Variants in TAFA2 observed in about 807,000 individuals in gnomAD.
TAFA2 encodes TAFA chemokine like family member 2, also known as chemokine-like protein TAFA-2.
Under a neutral mutation model 18.8 loss-of-function variants are expected in TAFA2, and 7 were observed. That is an observed-to-expected ratio of 0.37 (90% CI 0.21 to 0.70). The LOEUF (loss-of-function observed/expected upper bound fraction) is 0.70, where lower values mean the gene tolerates loss of function less well. TAFA2 is among the 30% of genes least tolerant of loss of function. The pLI is 0.53. For missense variants in TAFA2, 122 were observed against 158.1 expected (o/e 0.77, Z 1.23); for synonymous variants, 60 against 54.2 (o/e 1.11, Z -0.47).
intron 2 of TAFA2, among the ~76,000 whole-genome samples, chr12:61,808,391 C>T (rs561647449): frequency 2.0e-5 from 3 of 151,488 alleles, no homozygotes; most frequent in Non-Finnish European, 4.4e-5. Flanking sequence ...TGTAAATTTC[C>T]CAGTCTCGGG....
At chr12:61,743,929 A>T (rs906309104) in intron 4 of TAFA2, among the ~76,000 whole-genome samples, 1 of 152,128 alleles carries the variant, frequency 6.6e-6, no homozygotes, top group Non-Finnish European at 1.5e-5. Flanking sequence ...GCACAGAAGC[A>T]CCACTAACTA....
In TAFA2 at chr12:61,915,942, G is replaced by T. The variant is rs967367973; in HGVS notation, c.-1-48516C>A. Among the ~76,000 whole-genome samples, 3 of 152,170 alleles carry T rather than the reference G, an allele frequency of 2.0e-5. No homozygotes were observed. The East Asian group carries it at 5.8e-4, about 29-fold the overall frequency. ...CCCAGAAACAATGTTTTACCAACTA[G>T]CTCAGTGTGACACATAAAATCAACC... On this transcript the variant is annotated intron_variant, in intron 1 of 4. Coordinates refer to ENST00000416284, the MANE Select transcript of TAFA2 (RefSeq NM_178539.5).
At position 61,896,342 on chromosome 12, in the gene TAFA2, A is replaced by G. The variant is rs563491898; in HGVS notation, c.-1-28916T>C. 3.3e-3 allele frequency among the ~76,000 whole-genome samples: 507 copies of G among 152,364 alleles called. 1 individual carries two copies. Among genetic ancestry groups the G allele is most frequent in the Non-Finnish European group, 5.9e-3 (399 of 68,036 alleles). On this transcript the variant is annotated intron_variant, in intron 1 of 4. Transcript: ENST00000416284. ...GCACAAATTAAGCCAAGATCTAATT[A>G]TATTACACTTTCATGAATGTAAAAA...
At chr12:61,795,600 T>C (rs1372955827) in intron 2 of TAFA2, among the ~76,000 whole-genome samples, 1 of 151,702 alleles carries the variant, frequency 6.6e-6, no homozygotes, top group Non-Finnish European at 1.5e-5. Flanking sequence ...GAGGGAGGCA[T>C]AGCATTGGGA....
At chr12:61,950,666 C>A (rs959092357) in intron 1 of TAFA2, among the ~76,000 whole-genome samples, 56 of 152,022 alleles carry the variant, frequency 3.7e-4, no homozygotes, top group African/African-American at 1.4e-3. Flanking sequence ...GGATATTAAA[C>A]CCTTATCAGA....
At chr12:61,921,766 A>G (rs978420106) in intron 1 of TAFA2, among the ~76,000 whole-genome samples, 3 of 152,226 alleles carry the variant, frequency 2.0e-5, no homozygotes, top group Admixed American at 2.0e-4. Flanking sequence ...ACTACACAGT[A>G]TGACTATGCA....
intron 1 of TAFA2, among the ~76,000 whole-genome samples, chr12:61,981,355 C>A (rs1410123658): frequency 6.6e-6 from 1 of 152,046 alleles, no homozygotes; most frequent in Non-Finnish European, 1.5e-5. Flanking sequence ...CCATAAAAAC[C>A]CTAAAAGAAA....
intron 1 of TAFA2, among the ~76,000 whole-genome samples, chr12:62,223,151 TA>T (rs1202788622): frequency 5.9e-5 from 9 of 152,162 alleles, no homozygotes; most frequent in Non-Finnish European, 1.0e-4. Context: ...GTTTGATACA[TA>T]AAAAAGTAAG....
At chr12:61,799,420 A>G (rs908063420) in intron 2 of TAFA2, among the ~76,000 whole-genome samples, 1 of 152,200 alleles carries the variant, frequency 6.6e-6, no homozygotes, top group Non-Finnish European at 1.5e-5. Flanking sequence ...CGAAAGTTAG[A>G]GCCCTTCCAA....
At chr12:61,720,066 T>G (rs991236306) in intron 4 of TAFA2, among the ~76,000 whole-genome samples, 3 of 152,098 alleles carry the variant, frequency 2.0e-5, no homozygotes, top group Non-Finnish European at 4.4e-5. Context: ...GTTTCCTAGA[T>G]GTAATTCTTT....
intron 2 of TAFA2, among the ~76,000 whole-genome samples, chr12:61,850,182 A>C (rs920823305): frequency 6.6e-6 from 1 of 152,082 alleles, no homozygotes; most frequent in African/African-American, 2.4e-5. Context: ...AGGGAGAGGG[A>C]TCAGTTAGGA....
intron 1 of TAFA2, among the ~76,000 whole-genome samples, chr12:62,036,529 A>G (rs910324802): frequency 2.0e-5 from 3 of 152,192 alleles, no homozygotes; most frequent in Non-Finnish European, 4.4e-5. Flanking sequence ...GTTAGACTTT[A>G]GGGCTTCTTG....
At chr12:62,091,124 A>AAGAC (rs1868693117) in intron 1 of TAFA2, among the ~76,000 whole-genome samples, 3 of 151,998 alleles carry the variant, frequency 2.0e-5, no homozygotes, top group Admixed American at 2.0e-4. Flanking sequence ...CTCAGGTGCC[A>AAGAC]AGACAAAAAA....
intron 1 of TAFA2, among the ~76,000 whole-genome samples, chr12:62,158,105 G>C (rs1275188531): frequency 6.6e-6 from 1 of 152,034 alleles, no homozygotes; most frequent in African/African-American, 2.4e-5. Flanking sequence ...ATACATTCAT[G>C]GTTTATCCCA....
At chr12:61,757,933 T>C (rs1869352008) in intron 2 of TAFA2, among the ~76,000 whole-genome samples, 1 of 152,032 alleles carries the variant, frequency 6.6e-6, no homozygotes, top group Non-Finnish European at 1.5e-5. Context: ...AACTACTTGA[T>C]CTTGGTACGT....
At chr12:62,209,592 C>T (rs922617739) in intron 1 of TAFA2, among the ~76,000 whole-genome samples, 1 of 152,178 alleles carries the variant, frequency 6.6e-6, no homozygotes, top group Non-Finnish European at 1.5e-5. Flanking sequence ...GAGCTTAGCT[C>T]AAAGTCCTAT....
rs541761140 is a variant in TAFA2, at chr12:61,795,425, T to G, written c.107-40401A>C. Among the ~76,000 whole-genome samples, 5 of 152,214 alleles carry G rather than the reference T, an allele frequency of 3.3e-5. No homozygotes were observed. In the East Asian group the frequency reaches 7.7e-4, roughly 24 times the overall value. On this transcript the variant is annotated intron_variant, in intron 2 of 4. Transcript: ENST00000416284. ...ATAAAAAAGGATGAGTTCATGTCCT[T>G]TGTAGGGACATGGATGAAGCTGGAA...
At chr12:61,930,798 A>T (rs1193139852) in intron 1 of TAFA2, among the ~76,000 whole-genome samples, 2 of 152,236 alleles carry the variant, frequency 1.3e-5, no homozygotes, top group Non-Finnish European at 2.9e-5. Context: ...AGAATAAATA[A>T]TTCCCATGAA....
upstream of TAFA2, among the ~76,000 whole-genome samples, chr12:62,195,213 A>G (rs2136964680): frequency 6.6e-6 from 1 of 152,358 alleles, no homozygotes; most frequent in South Asian, 2.1e-4. Context: ...CTTCTTTCAA[A>G]ATTGGAGTTA....
Sources: gnomAD v4.1 joint callset for allele counts (sites outside exome capture counted in the v4.1 genomes callset) on GRCh38, gnomAD v4.1.1 for gene constraint, MANE v1.5 for transcripts, NCBI Gene and HGNC (gene_info 2026-07-23, HGNC 2026-07-21) for gene names.